The following TYR variants were observed in gnomAD, a reference collection of about 807,000 sequenced individuals.
TYR encodes tyrosinase.
TYR carries 58 observed loss-of-function variants against 51.5 expected under a neutral mutation model. That is an observed-to-expected ratio of 1.13 (90% CI 0.91 to 1.40). The LOEUF is 1.40. Among genes scored for constraint, TYR ranks in the 40% most tolerant of loss-of-function variants. The pLI, the probability that TYR is intolerant of heterozygous loss-of-function variation, is 0.00. For missense variants in TYR, 732 were observed against 647.4 expected, an observed-to-expected ratio of 1.13 and a Z score of -1.42; for synonymous variants, 263 against 235.2, an observed-to-expected ratio of 1.12 and a Z score of -1.08.
intron 2 of TYR, among the ~76,000 whole-genome samples, chr11:89,213,808 C>G (rs1398185863): frequency 2.0e-5 from 3 of 152,158 alleles, no homozygotes; most frequent in Non-Finnish European, 2.9e-5. Context: ...AACAACAGAT[C>G]TTTCACAAAC....
At chr11:89,234,660 C>A (rs1283527624) in intron 3 of TYR, among the ~76,000 whole-genome samples, 1 of 116,722 alleles carries the variant, frequency 8.6e-6, no homozygotes, top group African/African-American at 3.9e-5. Flanking sequence ...TAGGGAGGCC[C>A]AAGGAGAGGG....
chr11:89,225,663 G>A (rs1591166856), intron 2 of TYR, among the ~76,000 whole-genome samples: 1 of 151,538 alleles, frequency 6.6e-6, no homozygotes, highest in Non-Finnish European at 1.5e-5. Flanking sequence ...TAATTATGGT[G>A]GATACATTTT....
chr11:89,200,553 C>T (rs1943584296), intron 2 of TYR: 1 of 103,398 alleles, frequency 9.7e-6, no homozygotes, highest in South Asian at 3.0e-4. Flanking sequence ...ATGACTACTT[C>T]TCATTTGTAA....
chr11:89,229,412 A>G lies in TYR; in HGVS notation c.1184+1442A>G, dbSNP rs188152295. Reference sequence around the variant, plus strand: ...AAGATAAATTGAACGCTTTTTAAAGAATCATTTTTATATCACTTTTTGGTG... The same window carrying G: ...AAGATAAATTGAACGCTTTTTAAAGGATCATTTTTATATCACTTTTTGGTG... On this transcript the variant is annotated intron_variant, in intron 3 of 4. Transcript: ENST00000263321. Among the ~76,000 whole-genome samples, 38 of 152,178 alleles carry G rather than the reference A, an allele frequency of 2.5e-4. No individual in the cohort carries two copies. In the East Asian group the frequency reaches 6.6e-3, roughly 26 times the overall value.
intron 1 of TYR, among the ~76,000 whole-genome samples, chr11:89,190,932 G>A (rs1943434899): frequency 6.6e-6 from 1 of 152,102 alleles, no homozygotes; most frequent in Non-Finnish European, 1.5e-5. Context: ...TTGTAGCCTA[G>A]GAGCAGTAGG....
chr11:89,269,492 C>G (rs529028279), intron 3 of TYR, among the ~76,000 whole-genome samples: 1 of 151,778 alleles, frequency 6.6e-6, no homozygotes, highest in African/African-American at 2.4e-5. Flanking sequence ...AAAAAAACAC[C>G]GAAACTGCCT....
intron 3 of TYR, among the ~76,000 whole-genome samples, chr11:89,237,299 T>TC (rs1944129160): frequency 6.6e-6 from 1 of 152,126 alleles, no homozygotes; most frequent in African/African-American, 2.4e-5. Context: ...CATGGAGCGT[T>TC]CCCCCCATTT....
At chr11:89,263,826 A>G (rs915606888) in intron 3 of TYR, among the ~76,000 whole-genome samples, 19 of 152,120 alleles carry the variant, frequency 1.2e-4, no homozygotes, top group African/African-American at 4.6e-4. Flanking sequence ...CACTATTGAA[A>G]GAAATTAATA....
intron 2 of TYR, among the ~76,000 whole-genome samples, chr11:89,218,732 T>C (rs768647444): frequency 3.7e-4 from 57 of 152,198 alleles, no homozygotes; most frequent in Non-Finnish European, 4.1e-4. Flanking sequence ...TTATACCATA[T>C]TTATTATTAT....
chr11:89,191,192 T>G lies in TYR; in HGVS notation c.820-10T>G, dbSNP rs775737008. On this transcript the variant is annotated splice_polypyrimidine_tract_variant and intron_variant, in intron 1 of 4. Transcript: ENST00000263321. ...TGACAATTTGTTTAACATGAGGGTG[T>G]TTTGTACAGATTGTCTGTAGCCGAT... 1 of 1,613,194 alleles carries G rather than the reference T, an allele frequency of 6.2e-7. No individual in the cohort carries two copies. Among genetic ancestry groups the G allele is most frequent in the East Asian group, 2.2e-5 (1 of 44,850 alleles).
intron 3 of TYR, among the ~76,000 whole-genome samples, chr11:89,265,069 C>T (rs1944510320): frequency 6.6e-6 from 1 of 151,950 alleles, no homozygotes; most frequent in African/African-American, 2.4e-5. Context: ...CATATTTTTT[C>T]AATGAGTATA....
intron 2 of TYR, among the ~76,000 whole-genome samples, chr11:89,227,562 G>A (rs932832442): frequency 2.8e-4 from 42 of 152,114 alleles, no homozygotes; most frequent in African/African-American, 8.9e-4. Context: ...ATGAACAGGA[G>A]GGAACACAAA....
At position 89,216,029 on chromosome 11, in the gene TYR, AT is replaced by A. The variant is rs755310758; in HGVS notation, c.1037-11790del. On this transcript the variant is annotated intron_variant, in intron 2 of 4. Transcript: ENST00000263321. Reference sequence around the variant, plus strand: ...AGGATTTTGGTATCTTTAATCAATAATTTTAATTGAAACCATATTTATTTTT... The same window carrying A: ...AGGATTTTGGTATCTTTAATCAATAATTTAATTGAAACCATATTTATTTTT... Among the ~76,000 whole-genome samples the A allele has an allele frequency of 1.2e-4, 18 of 152,332 alleles. No individual in the cohort carries two copies. In the South Asian group the frequency reaches 3.7e-3, roughly 32 times the overall value.
intron 3 of TYR, among the ~76,000 whole-genome samples, chr11:89,244,801 G>T (rs937073669): frequency 9.9e-5 from 15 of 152,146 alleles, no homozygotes; most frequent in Admixed American, 5.9e-4. Context: ...TACCCTTTAT[G>T]TGTCATGTGT....
chr11:89,187,957 T>G (rs948295467), intron 1 of TYR, among the ~76,000 whole-genome samples: 3 of 151,704 alleles, frequency 2.0e-5, no homozygotes, highest in African/African-American at 7.2e-5. Context: ...TATTAGCACT[T>G]TAAGTATTGA....
At chr11:89,214,131 C>T (rs1277645626) in intron 2 of TYR, among the ~76,000 whole-genome samples, 1 of 152,144 alleles carries the variant, frequency 6.6e-6, no homozygotes, top group African/African-American at 2.4e-5. Flanking sequence ...AAAGAAATAT[C>T]AGAGTGAACA....
At chr11:89,224,105 A>G (rs1935083460) in intron 2 of TYR, among the ~76,000 whole-genome samples, 1 of 152,102 alleles carries the variant, frequency 6.6e-6, no homozygotes, top group Non-Finnish European at 1.5e-5. Context: ...AGAACAATGA[A>G]GTTTAGGAAG....
chr11:89,242,153 T>A (rs1436366073), intron 3 of TYR, among the ~76,000 whole-genome samples: 4 of 152,054 alleles, frequency 2.6e-5, no homozygotes, highest in Admixed American at 1.3e-4. Context: ...AGGATAAAAT[T>A]TCAGAAGGGG....
At chr11:89,216,467 C>G (rs1943833461) in intron 2 of TYR, among the ~76,000 whole-genome samples, 1 of 151,762 alleles carries the variant, frequency 6.6e-6, no homozygotes. Flanking sequence ...GCCCAGGCAA[C>G]ATGGTGAAAC....
Sources: allele counts gnomAD v4.1 joint callset (sites outside exome capture counted in the v4.1 genomes callset), GRCh38; gene constraint gnomAD v4.1.1; transcripts MANE v1.5; gene names NCBI Gene and HGNC (gene_info 2026-07-23, HGNC 2026-07-21).